The following NOX4 variants were observed in gnomAD, a reference collection of about 807,000 sequenced individuals.
NOX4 encodes the protein kidney oxidase-1.
In NOX4, 69 loss-of-function variants were observed where a neutral mutation model predicts 87.6. The observed-to-expected ratio is 0.79, with a 90% CI of 0.65 to 0.96. The LOEUF (loss-of-function observed/expected upper bound fraction) is 0.96. NOX4 is among the 40% of genes least tolerant of loss of function. The pLI is 0.00. For missense variants in NOX4, 680 were observed against 681.5 expected (o/e 1.00, Z 0.02); for synonymous variants, 275 against 238.2 (o/e 1.15, Z -1.42).
the NOX4 span, among the ~76,000 whole-genome samples, chr11:89,524,701 G>A: frequency 6.6e-6 from 1 of 151,892 alleles, no homozygotes; most frequent in Non-Finnish European, 1.5e-5. Context: ...TTTTTTAATT[G>A]ACAGATATAA....
At chr11:89,504,358 T>A in the NOX4 span, among the ~76,000 whole-genome samples, 1 of 151,914 alleles carries the variant, frequency 6.6e-6, no homozygotes, top group East Asian at 1.9e-4. Context: ...CATACAAAAA[T>A]ATAATATATG....
intron 15 of NOX4, among the ~76,000 whole-genome samples, chr11:89,337,869 A>G (rs1945785429): frequency 6.6e-6 from 1 of 152,030 alleles, no homozygotes; most frequent in Non-Finnish European, 1.5e-5. Context: ...GTACCAGTTT[A>G]CTCATCAAGA....
intron 11 of NOX4, among the ~76,000 whole-genome samples, chr11:89,373,914 A>T (rs574923620): frequency 6.6e-6 from 1 of 152,112 alleles, no homozygotes; most frequent in Non-Finnish European, 1.5e-5. Flanking sequence ...GGGAGAAAAA[A>T]ATTCTTAATG....
At chr11:89,504,741 T>A in the NOX4 span, among the ~76,000 whole-genome samples, 2 of 152,024 alleles carry the variant, frequency 1.3e-5, no homozygotes, top group Non-Finnish European at 1.5e-5. Flanking sequence ...CTTTAAGCAA[T>A]GATCATACAA....
chr11:89,348,526 A>T (rs1946315115), intron 13 of NOX4, among the ~76,000 whole-genome samples: 1 of 151,906 alleles, frequency 6.6e-6, no homozygotes, highest in Admixed American at 6.6e-5. Flanking sequence ...CCAAGGCAGG[A>T]GGTTCACTTA....
At chr11:89,440,766 A>G (rs1236886527) in intron 5 of NOX4, 51 bp from the exon 6 acceptor site, 1 of 1,041,928 alleles carries the variant, frequency 9.6e-7, no homozygotes. Context: ...CACTGATGAT[A>G]TATAATTCTA....
At position 89,400,328 on chromosome 11, in the gene NOX4, A is replaced by G; in HGVS notation, c.898T>C (p.Tyr300His). Residue 300 changes from tyrosine (Y) to histidine (H), a missense_variant, in exon 10 of 18, where the codon TAC becomes CAC. Physicochemically the swap from Tyr to His is moderately conservative, Grantham distance 83. Transcript: ENST00000263317. The part of the protein sequence containing the change: ...PLCLYCAERL[Y>H]RYIRSNKPVT... ...GGCTTATTGCTCCGGATATACCTGTAAAGTCTTTCGGCACAGTACAGGCAC... is the reference window on the plus strand; with the variant it reads ...GGCTTATTGCTCCGGATATACCTGTGAAGTCTTTCGGCACAGTACAGGCAC... The G allele has an allele frequency of 6.2e-7, 1 of 1,612,824 alleles. No individual in the cohort carries two copies. Among genetic ancestry groups the G allele is most frequent in the Admixed American group, 1.7e-5 (1 of 59,836 alleles).
chr11:89,490,576 A>G, intron 1 of NOX4, 23 bp from the exon 2 acceptor site: 1 of 1,561,740 alleles, frequency 6.4e-7, no homozygotes. Context: ...GACATGAGAG[A>G]CAGAAAACAA....
the NOX4 span, among the ~76,000 whole-genome samples, chr11:89,536,269 TC>T: frequency 6.6e-6 from 1 of 150,584 alleles, no homozygotes; most frequent in Non-Finnish European, 1.5e-5. Flanking sequence ...GCCTCAGTCT[TC>T]CGAGTAGCTG....
chr11:89,353,711 C>A (rs1409438491), intron 13 of NOX4, among the ~76,000 whole-genome samples: 4 of 152,006 alleles, frequency 2.6e-5, no homozygotes, highest in Non-Finnish European at 5.9e-5. Context: ...CTATGACTAC[C>A]CTCTTCAAGC....
At chr11:89,567,192 T>A in the NOX4 span, among the ~76,000 whole-genome samples, 2,353 of 152,292 alleles carry the variant, frequency 0.015, 62 homozygotes, top group African/African-American at 0.054. Context: ...CACACCCATT[T>A]GCACTGCAGC....
intron 6 of NOX4, among the ~76,000 whole-genome samples, chr11:89,439,781 G>A (rs984889122): frequency 1.3e-5 from 2 of 152,104 alleles, no homozygotes; most frequent in African/African-American, 4.8e-5. Flanking sequence ...ATGTTCAAAC[G>A]TGCTTTAACA....
intron 8 of NOX4, among the ~76,000 whole-genome samples, chr11:89,402,987 G>A (rs1941964114): frequency 6.6e-6 from 1 of 152,134 alleles, no homozygotes; most frequent in Admixed American, 6.6e-5. Flanking sequence ...GATAAAACAA[G>A]CCTTGCTGAT....
At chr11:89,339,182 C>T (rs1945862189) in intron 15 of NOX4, among the ~76,000 whole-genome samples, 1 of 152,070 alleles carries the variant, frequency 6.6e-6, no homozygotes, top group South Asian at 2.1e-4. Context: ...AAGTATCTAA[C>T]ATTAGAGAAT....
chr11:89,493,196 C>T (rs183759775), upstream of NOX4, among the ~76,000 whole-genome samples: 339 of 152,094 alleles, frequency 2.2e-3, no homozygotes, highest in Middle Eastern at 6.9e-3. Flanking sequence ...GCCATCCTGG[C>T]CAACATGGTG....
chr11:89,515,776 T>C, the NOX4 span, among the ~76,000 whole-genome samples: 1 of 152,020 alleles, frequency 6.6e-6, no homozygotes. Context: ...CCAGATAGAA[T>C]CCTGTTGTTC....
chr11:89,549,706 A>G, the NOX4 span, among the ~76,000 whole-genome samples: 29 of 152,172 alleles, frequency 1.9e-4, no homozygotes, highest in African/African-American at 6.7e-4. Context: ...TGTTCTCACT[A>G]TTCAACTCCT....
chr11:89,402,276 A>T, intron 9 of NOX4, 50 bp downstream of exon 9: 1 of 1,300,636 alleles, frequency 7.7e-7, no homozygotes, highest in Non-Finnish European at 1.1e-6. Flanking sequence ...GATGTTGATC[A>T]GTCAAATGGA....
the NOX4 span, among the ~76,000 whole-genome samples, chr11:89,513,761 T>C: frequency 1.3e-5 from 2 of 152,184 alleles, no homozygotes; most frequent in African/African-American, 4.8e-5. Context: ...TAGAGGAGAA[T>C]ACAAGTTTGA....
Sources: allele counts gnomAD v4.1 joint callset (sites outside exome capture counted in the v4.1 genomes callset), GRCh38; gene constraint gnomAD v4.1.1; transcripts MANE v1.5; gene names NCBI Gene and HGNC (gene_info 2026-07-23, HGNC 2026-07-21).